Variants in COL4A4 observed in about 807,000 individuals in gnomAD.
The protein encoded by COL4A4 is collagen type IV alpha 4 chain, also known as collagen alpha-4(IV) chain.
A neutral mutation model predicts 192.9 loss-of-function variants in COL4A4; 105 were observed. The ratio of observed to expected loss-of-function variants is 0.54; its 90% CI spans 0.46 to 0.64. The LOEUF is 0.64. Among genes scored for constraint, COL4A4 ranks in the 30% least tolerant of loss-of-function variants. The pLI, the probability that COL4A4 is intolerant of heterozygous loss-of-function variation, is 0.00. For missense variants in COL4A4, 1,967 were observed against 2,169.3 expected (o/e 0.91, Z 1.85); for synonymous variants, 762 against 769.9 (o/e 0.99, Z 0.17).
At chr2:227,148,294 A>G (rs2063685581) in intron 1 of COL4A4, among the ~76,000 whole-genome samples, 1 of 152,232 alleles carries the variant, frequency 6.6e-6, no homozygotes, top group Non-Finnish European at 1.5e-5. Flanking sequence ...AATATGGTAT[A>G]TCCATACAAT....
chr2:227,017,831 C>T (rs1362518300), intron 44 of COL4A4, among the ~76,000 whole-genome samples: 3 of 151,880 alleles, frequency 2.0e-5, no homozygotes, highest in East Asian at 1.9e-4. Flanking sequence ...TTCAGGGGTA[C>T]GTGTGAAGTT....
chr2:227,144,656 T>C, intron 2 of COL4A4, 98 bp from the exon 3 acceptor site: 1 of 1,002,582 alleles, frequency 1.0e-6, no homozygotes, highest in South Asian at 1.3e-5. Flanking sequence ...AAGCTACTTT[T>C]TATTTCTATG....
At chr2:226,987,967 T>C in the COL4A4 span, among the ~76,000 whole-genome samples, 1 of 152,130 alleles carries the variant, frequency 6.6e-6, no homozygotes, top group African/African-American at 2.4e-5. Flanking sequence ...TGGTTGCTGT[T>C]TGATGGAAAC....
chr2:227,137,009 C>T (rs139126710), intron 4 of COL4A4, among the ~76,000 whole-genome samples: 2 of 152,284 alleles, frequency 1.3e-5, no homozygotes, highest in African/African-American at 2.4e-5. Context: ...CCCAAATCCT[C>T]GCTGGAAGAT....
Position 227,114,452 on chromosome 2 carries a change from G to T in COL4A4, c.558+176C>A, listed in dbSNP as rs557600774. 57 of 705,374 alleles carry T rather than the reference G, an allele frequency of 8.1e-5. No individual in the cohort carries two copies. In the African/African-American group the frequency reaches 8.7e-4, roughly 11 times the overall value. The allele number at this position is 705,374 out of a possible 1,614,324, so 43.7% of individuals were successfully genotyped here. ...TTTACAGTGCTGGAATTTTACTGGC[G>T]ACTAAAGCCACTGCCTTCACACAAA... On this transcript the variant is annotated intron_variant, in intron 8 of 47. Transcript: ENST00000396625.
chr2:227,129,451 C>T (rs891878860), intron 4 of COL4A4, among the ~76,000 whole-genome samples: 1 of 151,072 alleles, frequency 6.6e-6, no homozygotes, highest in Admixed American at 6.6e-5. Flanking sequence ...ACTCTGTCAC[C>T]CAGGCTGGAG....
chr2:227,032,579 G>A (rs1968669077), intron 38 of COL4A4, among the ~76,000 whole-genome samples: 1 of 152,176 alleles, frequency 6.6e-6, no homozygotes, highest in Middle Eastern at 3.2e-3. Context: ...GATACAATAA[G>A]TAATTATGCA....
In COL4A4 at chr2:227,103,199, TA is replaced by T; in HGVS notation, c.817-3del. ...CATTCCAGGAATTCCTTTTATACCC[TA>T]AAAATTACAATGAATATAATTTGGT... On this transcript the variant is annotated splice_region_variant and splice_polypyrimidine_tract_variant and intron_variant, in intron 13 of 47. Transcript: ENST00000396625. The T allele has an allele frequency of 6.2e-7, 1 of 1,610,142 alleles. No individual in the cohort carries two copies. The highest frequency in any genetic ancestry group is 8.5e-7 in the Non-Finnish European group (1 of 1,176,978).
chr2:227,101,368 T>A, intron 17 of COL4A4, 136 bp downstream of exon 17: 9 of 742,468 alleles, frequency 1.2e-5, no homozygotes, highest in Non-Finnish European at 2.0e-5. Context: ...ATGTAACAAT[T>A]GAATAAAAAA....
chr2:227,120,891 A>T (rs766138965), intron 5 of COL4A4, 123 bp downstream of exon 5: 4 of 1,299,254 alleles, frequency 3.1e-6, no homozygotes, highest in Middle Eastern at 2.1e-4. Context: ...GTGAGCTGAG[A>T]TCCCACCACT....
chr2:227,031,934 T>G lies in COL4A4; in HGVS notation c.3817+11A>C. ...GGAGCACTGCCATCCTTTGTCATGA[T>G]TCTCTCATACCTCTTGGGCCATCAG... is the stretch of plus-strand genomic sequence containing the variant. On this transcript the variant is annotated intron_variant, in intron 40 of 47. Coordinates refer to ENST00000396625, the MANE Select transcript of COL4A4 (RefSeq NM_000092.5). 1.3e-6 allele frequency: 2 copies of G among 1,577,122 alleles called. No individual in the cohort carries two copies. Among genetic ancestry groups the G allele is most frequent in the Non-Finnish European group, 1.7e-6 (2 of 1,146,658 alleles).
rs1260825949 is a variant in COL4A4 at position 227,030,592 on chromosome 2, G to C, written c.3824C>G (p.Pro1275Arg). 5.6e-6 allele frequency: 9 copies of C among 1,604,964 alleles called. No individual in the cohort carries two copies. Among genetic ancestry groups the C allele is most frequent in the Non-Finnish European group, 6.8e-6 (8 of 1,176,432 alleles). ...PPGPDGPRGA[P>R]GPPGLPGSVD... Reference sequence around the variant, plus strand: ...ACTCCCAGGGAGGCCTGGAGGCCCAGGTGCTCCTGACCACAGAGAAGAGAC... The same window carrying C: ...ACTCCCAGGGAGGCCTGGAGGCCCACGTGCTCCTGACCACAGAGAAGAGAC... The change falls in exon 41 of 48, where the codon CCT becomes CGT. Residue 1275 changes from proline (P) to arginine (R), a missense_variant. Physicochemically the swap from Pro to Arg is moderately radical, Grantham distance 103. Coordinates refer to ENST00000396625, the MANE Select transcript of COL4A4 (RefSeq NM_000092.5).
At chr2:226,989,596 T>C in the COL4A4 span, among the ~76,000 whole-genome samples, 1 of 152,236 alleles carries the variant, frequency 6.6e-6, no homozygotes, top group Admixed American at 6.5e-5. Context: ...CTTTGTCTCT[T>C]TGACTTTTCT....
At chr2:227,034,926 A>G (rs996724785) in intron 37 of COL4A4, among the ~76,000 whole-genome samples, 2 of 151,158 alleles carry the variant, frequency 1.3e-5, no homozygotes, top group African/African-American at 4.9e-5. Flanking sequence ...ATAGTATTCC[A>G]TGGTGTATAG....
intron 44 of COL4A4, among the ~76,000 whole-genome samples, chr2:227,021,724 C>G (rs1467614399): frequency 6.6e-6 from 1 of 152,064 alleles, no homozygotes; most frequent in South Asian, 2.1e-4. Context: ...ACTCGGGAGG[C>G]TGAGGCAGGA....
chr2:227,044,157 T>G (rs1221203151), intron 35 of COL4A4, among the ~76,000 whole-genome samples: 4 of 152,330 alleles, frequency 2.6e-5, no homozygotes, highest in Admixed American at 2.6e-4. Flanking sequence ...CACACCACCA[T>G]ATGGAACCCA....
At chr2:227,101,655 C>A (rs1212291512) in intron 16 of COL4A4, 98 bp from the exon 17 acceptor site, 1 of 1,253,196 alleles carries the variant, frequency 8.0e-7, no homozygotes, top group East Asian at 2.5e-5. Context: ...CCCACTGAGA[C>A]CATGCAAAGT....
chr2:227,100,851 A>C (rs983025790), intron 17 of COL4A4, among the ~76,000 whole-genome samples: 9 of 149,024 alleles, frequency 6.0e-5, no homozygotes, highest in African/African-American at 1.5e-4. Context: ...GTTGCCCAGG[A>C]TGGAGTGCAG....
At chr2:227,037,370 A>G (rs146525550) in intron 37 of COL4A4, among the ~76,000 whole-genome samples, 1 of 152,242 alleles carries the variant, frequency 6.6e-6, no homozygotes, top group East Asian at 1.9e-4. Context: ...TTTGCTGAGA[A>G]TGATGGTTTT....
Sources: gnomAD v4.1 joint callset for allele counts (sites outside exome capture counted in the v4.1 genomes callset) on GRCh38, gnomAD v4.1.1 for gene constraint, MANE v1.5 for transcripts, NCBI Gene and HGNC (gene_info 2026-07-23, HGNC 2026-07-21) for gene names.